ODF2L: variants seen among roughly 807,000 people sequenced by gnomAD.
The protein encoded by ODF2L is outer dense fiber of sperm tails 2 like, also known as protein BCAP.
A neutral mutation model predicts 86.3 loss-of-function variants in ODF2L; 76 were observed. The ratio of observed to expected loss-of-function variants is 0.88; its 90% CI spans 0.73 to 1.07. The LOEUF (loss-of-function observed/expected upper bound fraction) is 1.07. ODF2L is among the 50% of genes least tolerant of loss of function. ODF2L has a pLI of 0.00. For synonymous variants in ODF2L, 241 were observed against 231.3 expected, an observed-to-expected ratio of 1.04 and a Z score of -0.38; for missense variants, 748 against 717.4, an observed-to-expected ratio of 1.04 and a Z score of -0.49.
intron 1 of ODF2L, among the ~76,000 whole-genome samples, chr1:86,394,840 CTTTTTTT>C (rs33996151): frequency 1.5e-5 from 2 of 129,316 alleles, no homozygotes; most frequent in Non-Finnish European, 3.2e-5. Flanking sequence ...TTTCTTTTTC[CTTTTTTT>C]TTTTTTTTTT....
intron 1 of ODF2L, among the ~76,000 whole-genome samples, chr1:86,390,167 A>G (rs759428053): frequency 1.3e-5 from 2 of 152,212 alleles, no homozygotes; most frequent in Non-Finnish European, 2.9e-5. Context: ...TCACGCCTGT[A>G]ATCCCAGCAC....
rs61744918 is a variant in ODF2L, at chr1:86,371,045, A to G, written c.1029T>C (p.Thr343=). 137 of 1,575,138 alleles carry G rather than the reference A, an allele frequency of 8.7e-5. No homozygotes were observed. In the African/African-American group the frequency reaches 1.5e-3, roughly 18 times the overall value. ...TTAATTTTGTATTCTCAAGATTCAG[A>G]GTTTCATTTTCATATTCAATTGAGT... Residue 343 remains threonine, a synonymous_variant, in exon 10 of 18, where the codon ACT becomes ACC. Coordinates refer to ENST00000317336, the Ensembl canonical transcript of ODF2L.
At chr1:86,384,969 CA>C (rs1660844946) in intron 3 of ODF2L, among the ~76,000 whole-genome samples, 168 bp from the exon 4 acceptor site, 1 of 151,796 alleles carries the variant, frequency 6.6e-6, no homozygotes, top group South Asian at 2.1e-4. Flanking sequence ...ATCTGTTATA[CA>C]GTACATTAAA....
chr1:86,355,306 G>A (rs1292302192), intron 14 of ODF2L: 1 of 1,344,706 alleles, frequency 7.4e-7, no homozygotes. Context: ...ATATTTTTTT[G>A]AGAAGCAAAG....
At chr1:86,374,417 T>C (rs968255446) in intron 8 of ODF2L, among the ~76,000 whole-genome samples, 2 of 152,196 alleles carry the variant, frequency 1.3e-5, no homozygotes, top group Non-Finnish European at 2.9e-5. Flanking sequence ...AGTGATGGAA[T>C]CACCTTCCTA....
intron 1 of ODF2L, among the ~76,000 whole-genome samples, chr1:86,392,038 T>C (rs552474547): frequency 2.6e-5 from 4 of 152,172 alleles, no homozygotes; most frequent in African/African-American, 7.2e-5. Context: ...AGGACATGAA[T>C]AGACAATTCT....
intron 10 of ODF2L, among the ~76,000 whole-genome samples, chr1:86,370,796 C>T (rs1659739019): frequency 6.6e-6 from 1 of 152,126 alleles, no homozygotes; most frequent in African/African-American, 2.4e-5. Flanking sequence ...ATTCATTTAA[C>T]TGCAAAAATG....
At chr1:86,368,678 A>T in exon 11 of ODF2L, 1 of 1,452,154 alleles carries the variant, frequency 6.9e-7, no homozygotes, top group Non-Finnish European at 9.2e-7. Flanking sequence ...GAACAATCAA[A>T]ATGTTCATAT....
At chr1:86,372,017 C>A (rs1165848092) in intron 9 of ODF2L, among the ~76,000 whole-genome samples, 1 of 151,764 alleles carries the variant, frequency 6.6e-6, no homozygotes, top group African/African-American at 2.4e-5. Flanking sequence ...GAAACCCTGT[C>A]TCTACTAAAA....
chr1:86,373,831 C>T (rs973576055), intron 8 of ODF2L, among the ~76,000 whole-genome samples: 3 of 152,156 alleles, frequency 2.0e-5, no homozygotes, highest in Non-Finnish European at 4.4e-5. Flanking sequence ...CACAGAGATA[C>T]AAGTGGTAGT....
At position 86,379,024 on chromosome 1, in the gene ODF2L, GGTT is replaced by G. The variant is rs531578668; in HGVS notation, c.625-2609_625-2607del. ...TAGTGAGTGAGTTCTTGCGAAATCA[GGTT>G]GTTTAAAAGTGTGCAGCACCTCCCT... On this transcript the variant is annotated intron_variant, in intron 7 of 17. Coordinates refer to ENST00000317336, the Ensembl canonical transcript of ODF2L. Among the ~76,000 whole-genome samples the G allele has an allele frequency of 3.5e-3, 533 of 151,958 alleles. 1 individual carries two copies. Among genetic ancestry groups the G allele is most frequent in the Non-Finnish European group, 6.1e-3 (416 of 67,976 alleles).
chr1:86,364,540 T>G (rs1570376132), intron 11 of ODF2L, among the ~76,000 whole-genome samples: 1 of 152,326 alleles, frequency 6.6e-6, no homozygotes, highest in South Asian at 2.1e-4. Flanking sequence ...TCAGAATAAC[T>G]AGAAGACTAC....
At chr1:86,351,895 T>C (rs1570340500) in exon 18 of ODF2L, 1 of 1,115,226 alleles carries the variant, frequency 9.0e-7, no homozygotes, top group Non-Finnish European at 1.1e-6. Context: ...TTTAGCCAAG[T>C]ACTAGGGACA....
chr1:86,360,612 CAT>C (rs1289576166), intron 11 of ODF2L, 76 bp from the exon 11 acceptor site: 4 of 641,170 alleles, frequency 6.2e-6, no homozygotes, highest in Non-Finnish European at 1.1e-5. Context: ...ATTATAAAAA[CAT>C]AACTCATGTA....
chr1:86,347,064 AGCGCTGCTGCT>A (rs934488101), downstream of ODF2L: 5 of 152,360 alleles, frequency 3.3e-5, no homozygotes, highest in African/African-American at 1.2e-4. Flanking sequence ...CAATCATAGC[AGCGCTGCTGCT>A]GCGCTGCTGC....
chr1:86,365,688 A>C (rs1659356821), intron 11 of ODF2L, among the ~76,000 whole-genome samples: 2 of 152,196 alleles, frequency 1.3e-5, no homozygotes, highest in South Asian at 4.1e-4. Context: ...GGGCTATCAA[A>C]GGACAAAATA....
At chr1:86,357,753 A>T in intron 13 of ODF2L, 3 of 976,000 alleles carry the variant, frequency 3.1e-6, no homozygotes, top group Non-Finnish European at 3.7e-6. Flanking sequence ...AAATTTCATT[A>T]AAAAAATAGT....
At chr1:86,375,222 A>G (rs1660085403) in intron 8 of ODF2L, among the ~76,000 whole-genome samples, 1 of 152,316 alleles carries the variant, frequency 6.6e-6, no homozygotes, top group East Asian at 1.9e-4. Flanking sequence ...GCCAGATGCA[A>G]CAACAAACAA....
intron 13 of ODF2L, among the ~76,000 whole-genome samples, chr1:86,357,421 G>C (rs1276267050): frequency 1.3e-5 from 2 of 150,558 alleles, no homozygotes; most frequent in Non-Finnish European, 3.0e-5. Context: ...TCCTAAAACT[G>C]TCTTGAAAGT....
Sources: allele counts gnomAD v4.1 joint callset (sites outside exome capture counted in the v4.1 genomes callset), GRCh38; gene constraint gnomAD v4.1.1; transcripts MANE v1.5; gene names NCBI Gene and HGNC (gene_info 2026-07-23, HGNC 2026-07-21).